Variants in UNC13B observed in about 807,000 individuals in gnomAD.
UNC13B encodes the protein unc-13 homolog B.
A neutral mutation model predicts 211.0 loss-of-function variants in UNC13B; 144 were observed. The ratio of observed to expected loss-of-function variants is 0.68; its 90% CI spans 0.60 to 0.78. The LOEUF (loss-of-function observed/expected upper bound fraction) is 0.78, where lower values mean the gene tolerates loss of function less well. Among genes scored for constraint, UNC13B ranks in the 30% least tolerant of loss-of-function variants. The pLI, the probability that UNC13B is intolerant of heterozygous loss-of-function variation, is 0.00. For synonymous variants in UNC13B, 709 were observed against 725.8 expected (o/e 0.98, Z 0.37); for missense variants, 1,777 against 2,002.0 (o/e 0.89, Z 2.14).
At chr9:35,398,494 T>A (rs1452352533) in intron 31 of UNC13B, 60 bp from the exon 32 acceptor site, 4 of 1,536,820 alleles carry the variant, frequency 2.6e-6, no homozygotes, top group Non-Finnish European at 2.7e-6. Flanking sequence ...AGTAGGGGTG[T>A]GGCAGGGTAG....
At chr9:35,388,366 C>G (rs1835316887) in intron 24 of UNC13B, among the ~76,000 whole-genome samples, 1 of 152,138 alleles carries the variant, frequency 6.6e-6, no homozygotes, top group Non-Finnish European at 1.5e-5. Flanking sequence ...TGAGATCGTG[C>G]TGCTGCACTC....
intron 11 of UNC13B, among the ~76,000 whole-genome samples, chr9:35,331,742 A>G (rs1281888337): frequency 6.6e-6 from 1 of 152,100 alleles, no homozygotes; most frequent in East Asian, 1.9e-4. Flanking sequence ...AGCATTCCAT[A>G]GTGTTTTTAA....
chr9:35,293,615 T>G (rs1035482298), intron 7 of UNC13B, among the ~76,000 whole-genome samples: 3 of 152,194 alleles, frequency 2.0e-5, no homozygotes, highest in African/African-American at 4.8e-5. Context: ...TAAGTCTGAG[T>G]GGCATATGGT....
intron 7 of UNC13B, among the ~76,000 whole-genome samples, chr9:35,281,374 C>G (rs1160405545): frequency 6.7e-6 from 1 of 150,314 alleles, no homozygotes; most frequent in East Asian, 2.0e-4. Flanking sequence ...TGAGATCACA[C>G]CACTGCACTC....
At chr9:35,219,210 T>G (rs1284603939) in intron 1 of UNC13B, among the ~76,000 whole-genome samples, 1 of 152,076 alleles carries the variant, frequency 6.6e-6, no homozygotes, top group Non-Finnish European at 1.5e-5. Flanking sequence ...CACTCAACAT[T>G]GGGGAGAAAC....
At chr9:35,396,363 C>T in intron 26 of UNC13B, 113 bp from the exon 27 acceptor site, 1 of 1,397,478 alleles carries the variant, frequency 7.2e-7, no homozygotes, top group Non-Finnish European at 9.8e-7. Flanking sequence ...GGGAGTCACC[C>T]TTGTCCTAAG....
intron 1 of UNC13B, among the ~76,000 whole-genome samples, chr9:35,185,505 TC>T (rs1822307762): frequency 1.3e-5 from 2 of 152,138 alleles, no homozygotes; most frequent in Non-Finnish European, 2.9e-5. Flanking sequence ...CCAAAGAGAA[TC>T]CCCCTGATTT....
chr9:35,402,525 C>G (rs745633528), intron 37 of UNC13B, among the ~76,000 whole-genome samples: 2 of 151,940 alleles, frequency 1.3e-5, no homozygotes, highest in African/African-American at 4.8e-5. Flanking sequence ...CTCGTGATCC[C>G]CCCACCTCAG....
intron 1 of UNC13B, among the ~76,000 whole-genome samples, chr9:35,184,111 G>A (rs1025383333): frequency 6.6e-6 from 1 of 150,598 alleles, no homozygotes; most frequent in African/African-American, 2.5e-5. Context: ...CATCCCAGAC[G>A]ATGGGCAGCC....
chr9:35,309,232 T>A (rs1830069355), intron 9 of UNC13B, among the ~76,000 whole-genome samples: 1 of 101,226 alleles, frequency 9.9e-6, no homozygotes. Context: ...AGTGTGTGTG[T>A]GTGTGTGTGT....
At chr9:35,346,299 G>A (rs1832353893) in intron 11 of UNC13B, among the ~76,000 whole-genome samples, 1 of 152,104 alleles carries the variant, frequency 6.6e-6, no homozygotes, top group African/African-American at 2.4e-5. Context: ...TGTACATCGA[G>A]TCCTGGCCTT....
At chr9:35,374,876 C>G (rs2132212637) in intron 13 of UNC13B, among the ~76,000 whole-genome samples, 1 of 152,280 alleles carries the variant, frequency 6.6e-6, no homozygotes, top group Non-Finnish European at 1.5e-5. Context: ...GAAAAAGAAA[C>G]TCTTTGGATG....
At chr9:35,255,805 C>G (rs543707921) in intron 6 of UNC13B, among the ~76,000 whole-genome samples, 12 of 152,176 alleles carry the variant, frequency 7.9e-5, no homozygotes, top group Admixed American at 1.3e-4. Context: ...GCTGCATGAC[C>G]CCTAAAGTGA....
chr9:35,217,973 G>A (rs1032730330), intron 1 of UNC13B, among the ~76,000 whole-genome samples: 46 of 152,076 alleles, frequency 3.0e-4, no homozygotes, highest in African/African-American at 1.0e-3. Context: ...GCAGTGAGCT[G>A]TGTTTGCACC....
intron 11 of UNC13B, among the ~76,000 whole-genome samples, chr9:35,362,530 C>T (rs113359300): frequency 0.016 from 2,486 of 152,218 alleles, 49 homozygotes; most frequent in African/African-American, 0.057. Context: ...GCATCTAGGG[C>T]GGGGCGTGGT....
At chr9:35,247,758 G>A (rs1018348470) in intron 6 of UNC13B, among the ~76,000 whole-genome samples, 10 of 152,162 alleles carry the variant, frequency 6.6e-5, no homozygotes, top group Admixed American at 3.3e-4. Context: ...CAGTTTGTCA[G>A]TATTTTATTA....
At chr9:35,398,808 C>T (rs2132363388) in intron 32 of UNC13B, 74 bp from the exon 33 acceptor site, 2 of 1,582,182 alleles carry the variant, frequency 1.3e-6, no homozygotes, top group Non-Finnish European at 1.7e-6. Context: ...GGGAATGGGA[C>T]CAAATAGCTG....
In UNC13B at chr9:35,354,092, T is replaced by G. The variant is rs1832884038; in HGVS notation, c.9415-12855T>G. 2.0e-5 allele frequency among the ~76,000 whole-genome samples: 3 copies of G among 152,170 alleles called. No homozygotes were observed. The South Asian group carries it at 6.2e-4, about 31-fold the overall frequency. ...CAGTCTCTTGTTGTGGTGCTATACC[T>G]GTTCAAAAGAGGGAGGAGCATCTGG... On this transcript the variant is annotated intron_variant, in intron 11 of 39. Coordinates refer to ENST00000635942, the MANE Select transcript of UNC13B (RefSeq NM_001371189.2).
intron 9 of UNC13B, among the ~76,000 whole-genome samples, chr9:35,309,484 A>G (rs1432759209): frequency 6.6e-6 from 1 of 152,166 alleles, no homozygotes; most frequent in Non-Finnish European, 1.5e-5. Flanking sequence ...ACTCTGTGGT[A>G]AGAAAATTCT....
Sources: allele counts gnomAD v4.1 joint callset (sites outside exome capture counted in the v4.1 genomes callset), GRCh38; gene constraint gnomAD v4.1.1; transcripts MANE v1.5; gene names NCBI Gene and HGNC (gene_info 2026-07-23, HGNC 2026-07-21).